CCDC73: variants seen among roughly 807,000 people sequenced by gnomAD.
The protein encoded by CCDC73 is coiled-coil domain containing 73.
Under a neutral mutation model 116.5 loss-of-function variants are expected in CCDC73, and 95 were observed. That is an observed-to-expected ratio of 0.82 (90% confidence interval 0.69 to 0.97). CCDC73 has a LOEUF of 0.97. CCDC73 is among the 50% of genes least tolerant of loss of function. The pLI, the probability that CCDC73 is intolerant of heterozygous loss-of-function variation, is 0.00. For synonymous variants in CCDC73, 398 were observed against 401.3 expected (o/e 0.99, Z 0.10); for missense variants, 1,066 against 1,206.8 (o/e 0.88, Z 1.73).
chr11:32,619,027 ATTTG>A (rs902800137), intron 14 of CCDC73, among the ~76,000 whole-genome samples: 72 of 151,832 alleles, frequency 4.7e-4, no homozygotes, highest in African/African-American at 1.6e-3. Flanking sequence ...TAAATAGGTT[ATTTG>A]TTTATTGCTT....
chr11:32,622,644 C>A (rs947094178), intron 14 of CCDC73, among the ~76,000 whole-genome samples: 3 of 142,808 alleles, frequency 2.1e-5, no homozygotes, highest in African/African-American at 5.2e-5. Flanking sequence ...GCACATTCTC[C>A]ACATGTATCA....
intron 1 of CCDC73, among the ~76,000 whole-genome samples, chr11:32,783,164 GA>G (rs1026338175): frequency 1.2e-4 from 17 of 146,848 alleles, no homozygotes; most frequent in African/African-American, 2.2e-4. Context: ...TTCCAGAAAG[GA>G]AAAAAAAAAT....
At position 32,613,847 on chromosome 11, in the gene CCDC73, T is replaced by A; in HGVS notation, c.2471A>T (p.Asn824Ile). The A allele has an allele frequency of 6.2e-7, 1 of 1,613,600 alleles. No homozygotes were observed. The highest frequency in any genetic ancestry group is 1.1e-5 in the South Asian group (1 of 91,074). The stretch of plus-strand genomic sequence containing the variant: ...AATGCTCACAAAAAGGAAGAGGTCA[T>A]TTTTTGTGGCTTCAGTTACCTGATT... ...DENQVTEATK[N>I]DLFLFVSINE... The change falls in exon 16 of 18, where the codon AAT becomes ATT. Residue 824 changes from asparagine to isoleucine, a missense_variant. Physicochemically the swap from Asn to Ile is moderately radical, Grantham distance 149. Transcript: ENST00000335185.
chr11:32,706,608 G>A (rs1388556113), intron 3 of CCDC73, among the ~76,000 whole-genome samples: 1 of 152,114 alleles, frequency 6.6e-6, no homozygotes. Context: ...ACACTGCTAT[G>A]GGGAGAAATC....
the CCDC73 span, among the ~76,000 whole-genome samples, chr11:32,816,943 C>T: frequency 2.6e-5 from 4 of 152,128 alleles, no homozygotes; most frequent in South Asian, 4.1e-4. Context: ...GCCACCACGC[C>T]TGGCTAATTT....
intron 2 of CCDC73, among the ~76,000 whole-genome samples, chr11:32,743,427 G>T (rs1393121454): frequency 1.3e-5 from 2 of 152,134 alleles, no homozygotes; most frequent in Non-Finnish European, 2.9e-5. Flanking sequence ...GCTCCTGAAT[G>T]ACTGCTGGGT....
At chr11:32,791,893 AG>A (rs1850679507) in intron 1 of CCDC73, among the ~76,000 whole-genome samples, 1 of 151,394 alleles carries the variant, frequency 6.6e-6, no homozygotes, top group South Asian at 2.1e-4. Context: ...TGAGCCCAGG[AG>A]GTGGAGGCTG....
the CCDC73 span, among the ~76,000 whole-genome samples, chr11:32,807,511 C>T: frequency 1.3e-5 from 2 of 152,076 alleles, no homozygotes; most frequent in South Asian, 2.1e-4. Context: ...GGCTTGTGGG[C>T]TGCATGTGGC....
chr11:32,740,736 C>T (rs1208293409), intron 2 of CCDC73, among the ~76,000 whole-genome samples: 5 of 151,644 alleles, frequency 3.3e-5, no homozygotes, highest in African/African-American at 4.8e-5. Flanking sequence ...TTTGCTCTTG[C>T]TTTTCTAGTT....
rs1028180759 is a variant in CCDC73, at chr11:32,699,145, T to C, written c.390+106A>G. 20 of 1,245,790 alleles carry C rather than the reference T, an allele frequency of 1.6e-5. No individual in the cohort carries two copies. In the African/African-American group the frequency reaches 3.0e-4, roughly 19 times the overall value. 77.2% of individuals were successfully genotyped at this position (1,245,790 alleles called of 1,614,324 possible). A position where few individuals can be genotyped will look rare whatever the true frequency, so the allele number is the denominator to read the frequency against. ...ATTAAATTATGTAATATATTAGATA[T>C]AAACTTTTGTCAGCTTTGCTTTGTA... On this transcript the variant is annotated intron_variant, in intron 6 of 17. Coordinates refer to ENST00000335185, the MANE Select transcript of CCDC73 (RefSeq NM_001008391.4).
intron 2 of CCDC73, among the ~76,000 whole-genome samples, chr11:32,750,583 C>T (rs1850279635): frequency 6.6e-6 from 1 of 152,198 alleles, no homozygotes; most frequent in South Asian, 2.1e-4. Context: ...CTTCCCTCAA[C>T]TTTCCCAAAG....
At chr11:32,653,902 T>G (rs1435676815) in intron 11 of CCDC73, 76 bp downstream of exon 11, 6 of 1,508,474 alleles carry the variant, frequency 4.0e-6, no homozygotes, top group Non-Finnish European at 4.5e-6. Context: ...GTGCTATGCA[T>G]GATTCCACTT....
At chr11:32,644,982 T>A (rs1333595104) in intron 12 of CCDC73, among the ~76,000 whole-genome samples, 4 of 152,198 alleles carry the variant, frequency 2.6e-5, no homozygotes, top group Non-Finnish European at 2.9e-5. Context: ...CACCATAGTT[T>A]GTTTACACAT....
chr11:32,790,514 T>G (rs1850665512), intron 1 of CCDC73, among the ~76,000 whole-genome samples: 1 of 152,194 alleles, frequency 6.6e-6, no homozygotes, highest in South Asian at 2.1e-4. Context: ...GGAAAAGCCT[T>G]GAGAGCATAG....
At chr11:32,608,204 C>T (rs112917919) in intron 17 of CCDC73, among the ~76,000 whole-genome samples, 12,841 of 152,182 alleles carry the variant, frequency 0.084, 616 homozygotes, top group South Asian at 0.12. Flanking sequence ...CTTCCCAACA[C>T]TCCCCCAAAG....
chr11:32,683,575 C>T lies in CCDC73; in HGVS notation c.391-1G>A. 1 of 1,478,416 alleles carries T rather than the reference C, an allele frequency of 6.8e-7. No homozygotes were observed. The highest frequency in any genetic ancestry group is 9.4e-7 in the Non-Finnish European group (1 of 1,068,766). The allele number at this position is 1,478,416 out of a possible 1,614,324, so 91.6% of individuals were successfully genotyped here. A position where few individuals can be genotyped will look rare whatever the true frequency, so the allele number is the denominator to read the frequency against. On this transcript the variant is annotated splice_acceptor_variant, in intron 6 of 17. Coordinates refer to ENST00000335185, the MANE Select transcript of CCDC73 (RefSeq NM_001008391.4). LOFTEE classifies it high-confidence loss of function. The stretch of plus-strand genomic sequence containing the variant: ...TCTTCTGTAAAGAGTATTTAGAAAC[C>T]TTGAAAAATAAGGGGGAAAAATCTC...
intron 2 of CCDC73, chr11:32,758,284 C>T (rs974591504): frequency 5.1e-5 from 24 of 469,862 alleles, no homozygotes; most frequent in Middle Eastern, 7.4e-4. Flanking sequence ...CAGCATTTGA[C>T]GTATCATCAT....
chr11:32,771,238 G>A (rs7946283), intron 1 of CCDC73, among the ~76,000 whole-genome samples: 87,617 of 151,932 alleles, frequency 0.58, 25,576 homozygotes, highest in East Asian at 0.84. Flanking sequence ...AGAACAATGG[G>A]TAGAAAACAA....
At chr11:32,638,178 A>G (rs1029572163) in intron 13 of CCDC73, among the ~76,000 whole-genome samples, 7 of 152,340 alleles carry the variant, frequency 4.6e-5, no homozygotes, top group Middle Eastern at 6.8e-3. Flanking sequence ...ACAGACTCAT[A>G]GGTTCATGAT....
Sources: allele counts gnomAD v4.1 joint callset (sites outside exome capture counted in the v4.1 genomes callset), GRCh38; gene constraint gnomAD v4.1.1; transcripts MANE v1.5; gene names NCBI Gene and HGNC (gene_info 2026-07-23, HGNC 2026-07-21).